OR11A1: variants seen among roughly 807,000 people sequenced by gnomAD.
The protein encoded by OR11A1 is olfactory receptor 11A1.
For missense variants in OR11A1, 380 were observed against 378.2 expected (o/e 1.00, Z -0.04); for synonymous variants, 158 against 152.2 (o/e 1.04, Z -0.28).
At chr6:29,438,830 A>T (rs1034339630) in intron 1 of OR11A1, among the ~76,000 whole-genome samples, 4 of 152,212 alleles carry the variant, frequency 2.6e-5, no homozygotes, top group African/African-American at 9.6e-5. Flanking sequence ...GATAAAAAAG[A>T]AGATAAGCAA....
intron 1 of OR11A1, among the ~76,000 whole-genome samples, chr6:29,436,339 T>C (rs552901152): frequency 3.3e-5 from 5 of 152,284 alleles, no homozygotes; most frequent in African/African-American, 1.2e-4. Flanking sequence ...TAGCCCCAAA[T>C]GTAGCGCTGA....
intron 4 of OR11A1, among the ~76,000 whole-genome samples, chr6:29,428,702 A>G (rs980991622): frequency 1.4e-5 from 2 of 144,206 alleles, no homozygotes; most frequent in African/African-American, 5.2e-5. Flanking sequence ...GCTTGCAGTA[A>G]GCCGATATCG....
chr6:29,438,378 T>C (rs900157551), intron 1 of OR11A1, among the ~76,000 whole-genome samples: 3 of 151,838 alleles, frequency 2.0e-5, no homozygotes, highest in African/African-American at 7.3e-5. Flanking sequence ...TTTATTTCTC[T>C]TTTATATTAT....
At chr6:29,451,285 C>A in intron 1 of OR11A1, among the ~76,000 whole-genome samples, 1 of 152,010 alleles carries the variant, frequency 6.6e-6, no homozygotes, top group East Asian at 1.9e-4. Flanking sequence ...TCTGTACATA[C>A]AAATGGGTGA....
At chr6:29,439,481 G>T (rs1335694613) in intron 1 of OR11A1, 1 of 152,866 alleles carries the variant, frequency 6.5e-6, no homozygotes. Flanking sequence ...ATGGTAAAAT[G>T]ACAGAAAAAG....
chr6:29,440,777 A>T (rs10946991), intron 1 of OR11A1: 3 of 1,613,596 alleles, frequency 1.9e-6, no homozygotes, highest in African/African-American at 1.3e-5. Flanking sequence ...ATGGCACCGC[A>T]CTCTTTATCT....
chr6:29,454,218 CAG>C (rs1373245332), intron 1 of OR11A1, among the ~76,000 whole-genome samples: 3 of 152,208 alleles, frequency 2.0e-5, no homozygotes, highest in Admixed American at 6.5e-5. Context: ...ATTTAGCAAA[CAG>C]AGATTCAAAA....
chr6:29,428,505 C>T (rs536444253), intron 4 of OR11A1: 1 of 563,638 alleles, frequency 1.8e-6, no homozygotes, highest in East Asian at 1.4e-4. Flanking sequence ...CCTGTAATCC[C>T]AGCACTTTGG....
intron 1 of OR11A1, chr6:29,439,720 G>A (rs996933568): frequency 4.6e-6 from 2 of 438,806 alleles, no homozygotes; most frequent in Admixed American, 7.8e-5. Context: ...AGGTAAAACT[G>A]GAAAGACAGT....
chr6:29,427,048 C>A lies in OR11A1; in HGVS notation c.594G>T (p.Val198=). The change falls in exon 5 of 5, where the codon GTG becomes GTT. Residue 198 remains valine, a synonymous_variant. Transcript: ENST00000377149. ...AGAACACAGACAGAATGAGAGTTGT[C>A]ACCTGAGCCACTCTGGGATCCGAGC... ...LACSDPRVAQ[V]TTLILSVFCL... 1.2e-6 allele frequency: 2 copies of A among 1,612,236 alleles called. No individual in the cohort carries two copies. The highest frequency in any genetic ancestry group is 1.7e-6 in the Non-Finnish European group (2 of 1,179,994).
rs1319414396 is a variant in OR11A1 at position 29,430,393 on chromosome 6, C to A, written c.-232G>T. The A allele has an allele frequency of 2.0e-6, 2 of 985,240 alleles. No homozygotes were observed. Among genetic ancestry groups the A allele is most frequent in the Non-Finnish European group, 2.4e-6 (2 of 829,898 alleles). The allele number at this position is 985,240 out of a possible 1,614,324, so 61.0% of individuals were successfully genotyped here. On this transcript the variant is annotated 5_prime_UTR_variant, in exon 3 of 5. It removes an upstream start codon present in the reference 5' UTR. Transcript: ENST00000377149. ...TAGATTATTTTATCTGGTCCAAACT[C>A]ATTCTGAGGCTTGGAGTCTTTCTAT... is the stretch of plus-strand genomic sequence containing the variant.
At chr6:29,431,796 C>A (rs1345529450) in intron 2 of OR11A1, 68 bp downstream of exon 2, 1 of 894,076 alleles carries the variant, frequency 1.1e-6, no homozygotes, top group Non-Finnish European at 1.3e-6. Context: ...GCTATAAAAA[C>A]CAGCCATTTA....
At position 29,430,326 on chromosome 6, in the gene OR11A1, G is replaced by T; in HGVS notation, c.-165C>A. On this transcript the variant is annotated 5_prime_UTR_variant, in exon 3 of 5. Transcript: ENST00000377149. ...CCTTTGATCCCATCTGCATTTCCTT[G>T]TGAGTGAATCTGGCACTCCCTATGT... 2 of 985,296 alleles carry T rather than the reference G, an allele frequency of 2.0e-6. No homozygotes were observed. Among genetic ancestry groups the T allele is most frequent in the South Asian group, 4.7e-5 (1 of 21,280 alleles). 61.0% of individuals were successfully genotyped at this position (985,296 alleles called of 1,614,324 possible). A position where few individuals can be genotyped will look rare whatever the true frequency, so the allele number is the denominator to read the frequency against.
At chr6:29,447,033 T>G in intron 1 of OR11A1, among the ~76,000 whole-genome samples, 1 of 152,206 alleles carries the variant, frequency 6.6e-6, no homozygotes, top group East Asian at 1.9e-4. Context: ...CACGAGAATA[T>G]TTTACCTAAT....
Position 29,427,374 on chromosome 6 carries a change from C to T in OR11A1, c.268G>A (p.Glu90Lys), listed in dbSNP as rs1457527436. ...MPKMLEGFLQEATISVAGCLL... is the reference protein window; with the variant it reads ...MPKMLEGFLQKATISVAGCLL... ...CAACCAGCCACAGAGATAGTTGCTTCTTGCAGGAAGCCCTCCAGCATTTTT... is the reference window on the plus strand; with the variant it reads ...CAACCAGCCACAGAGATAGTTGCTTTTTGCAGGAAGCCCTCCAGCATTTTT... Residue 90 changes from glutamate to lysine, a missense_variant, in exon 5 of 5, where the codon GAA (glutamate) becomes AAA (lysine). Coordinates refer to ENST00000377149, the MANE Select transcript of OR11A1 (RefSeq NM_001394828.1). 4 of 1,613,106 alleles carry T rather than the reference C, an allele frequency of 2.5e-6. No homozygotes were observed. The highest frequency in any genetic ancestry group is 1.1e-5 in the South Asian group (1 of 91,084).
At chr6:29,433,012 T>C (rs1418991258) in intron 1 of OR11A1, among the ~76,000 whole-genome samples, 2 of 152,214 alleles carry the variant, frequency 1.3e-5, no homozygotes, top group Non-Finnish European at 2.9e-5. Flanking sequence ...AGAAAACTTT[T>C]GGAAAAATGT....
At chr6:29,437,131 G>A (rs1335488725) in intron 1 of OR11A1, among the ~76,000 whole-genome samples, 1 of 152,196 alleles carries the variant, frequency 6.6e-6, no homozygotes, top group African/African-American at 2.4e-5. Flanking sequence ...TCAGTGTGGC[G>A]ATTCCTCAGG....
intron 1 of OR11A1, among the ~76,000 whole-genome samples, chr6:29,455,587 G>A (rs946277700): frequency 6.6e-6 from 1 of 152,136 alleles, no homozygotes; most frequent in African/African-American, 2.4e-5. Flanking sequence ...TATGTTAATT[G>A]GCTTGACCAT....
chr6:29,426,881 C>G lies in OR11A1; in HGVS notation c.761G>C (p.Gly254Ala), dbSNP rs1277831728. ...TGCAACATAAAAGATCATGAGCGTT[C>G]CATAGAATGTGGTCACTACAGCTAG... ...SHLAVVTTFY[G>A]TLMIFYVAPS... The change falls in exon 5 of 5, where the codon GGA (glycine) becomes GCA (alanine). Residue 254 changes from glycine (G) to alanine (A), a missense_variant. Coordinates refer to ENST00000377149, the MANE Select transcript of OR11A1 (RefSeq NM_001394828.1). The G allele has an allele frequency of 6.2e-7, 1 of 1,613,034 alleles. No homozygotes were observed. The highest frequency in any genetic ancestry group is 8.5e-7 in the Non-Finnish European group (1 of 1,180,006).
Sources: gnomAD v4.1 joint callset for allele counts (sites outside exome capture counted in the v4.1 genomes callset) on GRCh38, gnomAD v4.1.1 for gene constraint, MANE v1.5 for transcripts, NCBI Gene and HGNC (gene_info 2026-07-23, HGNC 2026-07-21) for gene names.